PDE10A: variants seen among roughly 807,000 people sequenced by gnomAD.
The protein encoded by PDE10A is phosphodiesterase 10A.
PDE10A carries 39 observed loss-of-function variants against 97.7 expected under a neutral mutation model. The observed-to-expected ratio is 0.40, with a 90% CI of 0.31 to 0.52. The LOEUF is 0.52. Among genes scored for constraint, PDE10A ranks in the 20% least tolerant of loss-of-function variants. The pLI, the probability that PDE10A is intolerant of heterozygous loss-of-function variation, is 0.56. For synonymous variants in PDE10A, 371 were observed against 376.8 expected, an observed-to-expected ratio of 0.98 and a Z score of 0.18; for missense variants, 731 against 1,047.8, an observed-to-expected ratio of 0.70 and a Z score of 4.17.
intron 10 of PDE10A, among the ~76,000 whole-genome samples, chr6:165,427,008 A>G (rs1021988619): frequency 2.0e-5 from 3 of 152,246 alleles, no homozygotes; most frequent in African/African-American, 7.2e-5. Context: ...CCTTGTGCAC[A>G]GCTGCTGGGA....
chr6:165,901,773 C>T (rs117667378), intron 1 of PDE10A, among the ~76,000 whole-genome samples: 7,879 of 151,914 alleles, frequency 0.052, 329 homozygotes, highest in Admixed American at 0.1. Context: ...TTGCACTGGT[C>T]TGGGCAACAA....
At chr6:165,528,183 G>T (rs1782562622) in intron 2 of PDE10A, among the ~76,000 whole-genome samples, 2 of 152,212 alleles carry the variant, frequency 1.3e-5, no homozygotes, top group African/African-American at 4.8e-5. Flanking sequence ...AGAGGTATGT[G>T]GATGGATCTC....
chr6:165,413,429 A>C, intron 13 of PDE10A, 72 bp downstream of exon 13: 1 of 1,081,810 alleles, frequency 9.2e-7, no homozygotes, highest in Non-Finnish European at 1.3e-6. Context: ...AAAAGCCCTT[A>C]AGCTGCTTTA....
At chr6:165,749,317 TCACCATCACCAATAC>T (rs1792927858) in intron 1 of PDE10A, among the ~76,000 whole-genome samples, 1 of 11,552 alleles carries the variant, frequency 8.7e-5, no homozygotes, top group Non-Finnish European at 1.8e-4. Flanking sequence ...ATCACCATCA[TCACCATCACCAATAC>T]CACCATCACC....
chr6:165,726,566 G>C (rs1055451546), intron 1 of PDE10A, among the ~76,000 whole-genome samples: 4 of 152,040 alleles, frequency 2.6e-5, no homozygotes, highest in Non-Finnish European at 5.9e-5. Flanking sequence ...GGAGAGCCAC[G>C]ATGCCCGCTC....
At chr6:165,713,039 A>C (rs1337724030) in intron 1 of PDE10A, among the ~76,000 whole-genome samples, 1 of 152,200 alleles carries the variant, frequency 6.6e-6, no homozygotes, top group Non-Finnish European at 1.5e-5. Context: ...GCCCTGTTTC[A>C]GTCATCCAGT....
At chr6:165,651,075 C>T (rs75929580) in intron 1 of PDE10A, among the ~76,000 whole-genome samples, 23,515 of 152,216 alleles carry the variant, frequency 0.15, 2,343 homozygotes, top group Admixed American at 0.29. Flanking sequence ...GCCAAATTGC[C>T]TTCCTCGGTA....
At chr6:165,338,605 GA>G (rs745852037) in intron 20 of PDE10A, among the ~76,000 whole-genome samples, 1 of 152,068 alleles carries the variant, frequency 6.6e-6, no homozygotes, top group Non-Finnish European at 1.5e-5. Context: ...TTATTTGTCA[GA>G]AAAAAATGAA....
intron 1 of PDE10A, among the ~76,000 whole-genome samples, chr6:165,641,850 C>CG (rs1386587348): frequency 6.6e-6 from 1 of 152,210 alleles, no homozygotes; most frequent in Non-Finnish European, 1.5e-5. Flanking sequence ...AACACGGTCC[C>CG]GTCTCTGGCA....
At chr6:165,474,544 T>G (rs1779187438) in intron 3 of PDE10A, among the ~76,000 whole-genome samples, 1 of 152,218 alleles carries the variant, frequency 6.6e-6, no homozygotes, top group South Asian at 2.1e-4. Context: ...TCGAGTATTA[T>G]GCTTATTACT....
intron 3 of PDE10A, among the ~76,000 whole-genome samples, chr6:165,469,052 C>A (rs1288092203): frequency 6.6e-6 from 1 of 152,202 alleles, no homozygotes; most frequent in Non-Finnish European, 1.5e-5. Flanking sequence ...CCACTTTTAA[C>A]ATTTTTATCA....
At chr6:165,979,511 T>C (rs1360832712) in intron 1 of PDE10A, among the ~76,000 whole-genome samples, 1 of 152,272 alleles carries the variant, frequency 6.6e-6, no homozygotes, top group African/African-American at 2.4e-5. Flanking sequence ...TATAGTCATT[T>C]ACAAGTAGAA....
intron 11 of PDE10A, among the ~76,000 whole-genome samples, chr6:165,417,765 G>A (rs149575751): frequency 2.0e-5 from 3 of 152,206 alleles, no homozygotes; most frequent in East Asian, 3.9e-4. Context: ...GGGGCCCCAC[G>A]GTGAGGCACA....
intron 1 of PDE10A, among the ~76,000 whole-genome samples, chr6:165,626,563 T>C (rs1788395394): frequency 6.6e-6 from 1 of 152,254 alleles, no homozygotes; most frequent in African/African-American, 2.4e-5. Context: ...TTATTTCTTC[T>C]CGACAGAAAA....
At chr6:165,815,137 T>C (rs1741706254) in intron 1 of PDE10A, among the ~76,000 whole-genome samples, 1 of 152,206 alleles carries the variant, frequency 6.6e-6, no homozygotes. Context: ...TCTTTCGTCA[T>C]CATGCACGCC....
At chr6:165,610,916 C>T (rs1370377779) in intron 1 of PDE10A, among the ~76,000 whole-genome samples, 2 of 152,096 alleles carry the variant, frequency 1.3e-5, no homozygotes, top group East Asian at 1.9e-4. Context: ...ATTACCTCAC[C>T]TCAGCTCTCT....
chr6:165,378,712 A>G (rs1184885886), intron 18 of PDE10A, among the ~76,000 whole-genome samples: 1 of 152,196 alleles, frequency 6.6e-6, no homozygotes, highest in African/African-American at 2.4e-5. Flanking sequence ...ACCCCATGGG[A>G]TGCCAATATT....
chr6:165,825,063 G>C (rs1263131858), intron 1 of PDE10A, among the ~76,000 whole-genome samples: 1 of 148,932 alleles, frequency 6.7e-6, no homozygotes, highest in African/African-American at 2.5e-5. Flanking sequence ...GCAGAGAACT[G>C]CTTGAACCCA....
chr6:165,355,723 T>C (rs998090082), intron 18 of PDE10A, among the ~76,000 whole-genome samples: 1 of 151,998 alleles, frequency 6.6e-6, no homozygotes, highest in African/African-American at 2.4e-5. Context: ...TACCTGAGAG[T>C]GAACTGCTAG....
Sources: gnomAD v4.1 joint callset for allele counts (sites outside exome capture counted in the v4.1 genomes callset) on GRCh38, gnomAD v4.1.1 for gene constraint, MANE v1.5 for transcripts, NCBI Gene and HGNC (gene_info 2026-07-23, HGNC 2026-07-21) for gene names.